The following MED27 variants were observed in gnomAD, a reference collection of about 807,000 sequenced individuals.
The protein encoded by MED27 is mediator of RNA polymerase II transcription subunit 27.
MED27 carries 30 observed loss-of-function variants against 38.2 expected under a neutral mutation model. The ratio of observed to expected loss-of-function variants is 0.79; its 90% confidence interval spans 0.59 to 1.07. The LOEUF is 1.07. Among genes scored for constraint, MED27 ranks in the 50% least tolerant of loss-of-function variants. The pLI is 0.00. For missense variants in MED27, 289 were observed against 397.5 expected, an observed-to-expected ratio of 0.73 and a Z score of 2.32; for synonymous variants, 122 against 153.5, an observed-to-expected ratio of 0.79 and a Z score of 1.52.
intron 4 of MED27, among the ~76,000 whole-genome samples, chr9:131,909,759 A>G (rs2131534489): frequency 6.6e-6 from 1 of 152,338 alleles, no homozygotes; most frequent in Middle Eastern, 3.4e-3. Flanking sequence ...CGAGAGAGGC[A>G]ACCAAACAAC....
chr9:131,991,846 C>T (rs372566770), intron 3 of MED27, among the ~76,000 whole-genome samples: 28 of 152,144 alleles, frequency 1.8e-4, no homozygotes, highest in African/African-American at 6.5e-4. Flanking sequence ...CTCAGCCTCC[C>T]GAGTAGCTGG....
At chr9:132,016,604 T>A (rs1832607959) in intron 2 of MED27, among the ~76,000 whole-genome samples, 1 of 152,216 alleles carries the variant, frequency 6.6e-6, no homozygotes. Flanking sequence ...CTGCCAGAAT[T>A]TGCAATGAGT....
chr9:131,949,117 G>A (rs185601267), intron 3 of MED27, among the ~76,000 whole-genome samples: 1 of 152,270 alleles, frequency 6.6e-6, no homozygotes, highest in African/African-American at 2.4e-5. Flanking sequence ...ACATGACTTA[G>A]CATGATTTAG....
In MED27 at chr9:131,883,358, C is replaced by T. The variant is rs141568320; in HGVS notation, c.723+700G>A. Among the ~76,000 whole-genome samples, 17 of 152,266 alleles carry T rather than the reference C, an allele frequency of 1.1e-4. No individual in the cohort carries two copies. The highest frequency in any genetic ancestry group is 2.4e-4 in the Non-Finnish European group (16 of 68,022). On this transcript the variant is annotated intron_variant, in intron 6 of 7. Coordinates refer to ENST00000292035, the MANE Select transcript of MED27 (RefSeq NM_004269.4). This position sits in a 1 kb window ranked among gnomAD's most constrained non-coding sequence, Gnocchi z 4.2. The stretch of plus-strand genomic sequence containing the variant: ...ACTGGTGGGGGTGTGGCGGTGGGGA[C>T]AGAATCCTCATCAGCCACAGGGCCT...
rs7862554 is a variant in MED27, at chr9:132,033,805, T to C, written c.349-19338A>G. On this transcript the variant is annotated intron_variant, in intron 2 of 7. Coordinates refer to ENST00000292035, the MANE Select transcript of MED27 (RefSeq NM_004269.4). ...GGTAAGAGGAAGCCACTTTCTTTCC[T>C]TTCTCCACCTCCCTAACACAAGAAT... 2.3e-3 allele frequency among the ~76,000 whole-genome samples: 346 copies of C among 152,356 alleles called. 1 individual carries two copies. The highest frequency in any genetic ancestry group is 8.0e-3 in the African/African-American group (334 of 41,586).
intron 2 of MED27, among the ~76,000 whole-genome samples, chr9:132,041,583 G>A (rs1025189810): frequency 2.6e-5 from 4 of 152,312 alleles, no homozygotes; most frequent in South Asian, 2.1e-4. Flanking sequence ...CTCACACGGC[G>A]TCAGAAGGCC....
At chr9:131,899,804 T>C (rs533148712) in intron 4 of MED27, among the ~76,000 whole-genome samples, 2 of 152,330 alleles carry the variant, frequency 1.3e-5, no homozygotes, top group Non-Finnish European at 2.9e-5. Flanking sequence ...TGTGCCAGTT[T>C]CTAACGTATC....
intron 2 of MED27, among the ~76,000 whole-genome samples, chr9:132,034,903 A>G (rs1833042018): frequency 6.6e-6 from 1 of 152,212 alleles, no homozygotes; most frequent in Admixed American, 6.5e-5. Flanking sequence ...TATCTGTGAA[A>G]GTGGCCTAGT....
chr9:132,036,658 G>A (rs560723540), intron 2 of MED27, among the ~76,000 whole-genome samples: 18 of 152,272 alleles, frequency 1.2e-4, no homozygotes, highest in South Asian at 2.1e-4. Flanking sequence ...GTCTCCTCAC[G>A]TGTAAAACAG....
chr9:132,037,227 C>T (rs7467576), intron 2 of MED27, among the ~76,000 whole-genome samples: 23,080 of 152,120 alleles, frequency 0.15, 1,863 homozygotes, highest in East Asian at 0.32. Flanking sequence ...GAAGTCACAA[C>T]GCGAATAAAC....
intron 3 of MED27, among the ~76,000 whole-genome samples, chr9:131,958,728 T>C (rs1397417363): frequency 4.6e-5 from 7 of 152,232 alleles, no homozygotes; most frequent in Non-Finnish European, 7.3e-5. Context: ...CACCTGTGCC[T>C]GTTGAAACTA....
In MED27 at chr9:132,014,345, T is replaced by C. The variant is rs1832556246; in HGVS notation, c.471A>G (p.Leu157=). The C allele has an allele frequency of 6.2e-7, 1 of 1,611,934 alleles. No individual in the cohort carries two copies. Among genetic ancestry groups the C allele is most frequent in the East Asian group, 2.2e-5 (1 of 44,880 alleles). Residue 157 remains leucine, a synonymous_variant, in exon 3 of 8, where the codon CTA becomes CTG. Transcript: ENST00000292035. ...TCAAATCCATCACTCACTGAGGTGG[T>C]AGGACAAGAGTTGTGGGCTGAGCCT... is the stretch of plus-strand genomic sequence containing the variant. ...RPKAQPTTLV[L]PPQYVDDVIS... is the part of the protein sequence containing the mutation.
chr9:131,926,017 G>A lies in MED27; in HGVS notation c.573+13364C>T, dbSNP rs141140236. ...GCAGGGAGCCCTCCTCCCAGCCTGT[G>A]AGGCCCAGACTGGTGTCTCCTGCTT... On this transcript the variant is annotated intron_variant, in intron 4 of 7. Coordinates refer to ENST00000292035, the MANE Select transcript of MED27 (RefSeq NM_004269.4). Among the ~76,000 whole-genome samples the A allele has an allele frequency of 1.9e-3, 296 of 152,358 alleles. 2 individuals carry two copies. The highest frequency in any genetic ancestry group is 6.9e-3 in the African/African-American group (286 of 41,588).
Position 131,860,406 on chromosome 9 carries a change from T to A in MED27, c.*132A>T. 9.2e-7 allele frequency: 1 copy of A among 1,085,412 alleles called. No individual in the cohort carries two copies. 67.2% of individuals were successfully genotyped at this position (1,085,412 alleles called of 1,614,324 possible). A position where few individuals can be genotyped will look rare whatever the true frequency, so the allele number is the denominator to read the frequency against. ...TCTTCAAGAGTGGCCTCTGCACACA[T>A]GGCGCTGCTTTATGAAAGGGAGGAG... On this transcript the variant is annotated 3_prime_UTR_variant, in exon 8 of 8. Coordinates refer to ENST00000292035, the MANE Select transcript of MED27 (RefSeq NM_004269.4). The surrounding 1 kb of genome is among the most constrained non-coding windows in gnomAD (Gnocchi z 5.8).
chr9:132,007,690 T>A (rs1832387598), intron 3 of MED27, among the ~76,000 whole-genome samples: 1 of 151,956 alleles, frequency 6.6e-6, no homozygotes, highest in African/African-American at 2.4e-5. Context: ...GCATGTTTTG[T>A]CTATGAATGA....
At chr9:131,871,048 G>A (rs1481372629) in intron 6 of MED27, among the ~76,000 whole-genome samples, 1 of 152,212 alleles carries the variant, frequency 6.6e-6, no homozygotes, top group South Asian at 2.1e-4. Context: ...GGCGGGGAGA[G>A]TGGGATGGTC....
intron 2 of MED27, among the ~76,000 whole-genome samples, chr9:132,020,475 G>C (rs761439073): frequency 1.3e-5 from 2 of 152,208 alleles, no homozygotes; most frequent in Non-Finnish European, 2.9e-5. Flanking sequence ...GCAAGGTAGG[G>C]TGCTAATCTG....
intron 2 of MED27, among the ~76,000 whole-genome samples, chr9:132,046,656 A>G (rs1833346526): frequency 6.6e-6 from 1 of 152,184 alleles, no homozygotes; most frequent in Admixed American, 6.5e-5. Flanking sequence ...AGCAGTGGTG[A>G]TGACACTGGC....
intron 2 of MED27, among the ~76,000 whole-genome samples, chr9:132,071,989 G>A (rs928625984): frequency 1.1e-4 from 16 of 149,480 alleles, no homozygotes; most frequent in African/African-American, 3.5e-4. Context: ...CAGAAGTAAC[G>A]CACGCCTCAT....
Sources: allele counts gnomAD v4.1 joint callset (sites outside exome capture counted in the v4.1 genomes callset), GRCh38; gene constraint gnomAD v4.1.1; non-coding constraint Gnocchi (gnomAD v3.1); transcripts MANE v1.5; gene names NCBI Gene and HGNC (gene_info 2026-07-23, HGNC 2026-07-21).